CALML4: variants seen among roughly 807,000 people sequenced by gnomAD.
CALML4 encodes calmodulin-like protein 4.
Under a neutral mutation model 17.9 loss-of-function variants are expected in CALML4, and 16 were observed. That is an observed-to-expected ratio of 0.89 (90% CI 0.61 to 1.36). The LOEUF (loss-of-function observed/expected upper bound fraction) is 1.36. CALML4 is among the 40% of genes most tolerant of loss of function. The pLI is 0.00. For synonymous variants in CALML4, 86 were observed against 71.5 expected, an observed-to-expected ratio of 1.20 and a Z score of -1.02; for missense variants, 203 against 194.8, an observed-to-expected ratio of 1.04 and a Z score of -0.25.
chr15:68,197,702 G>A lies in CALML4; in HGVS notation c.176-74C>T, dbSNP rs2093150780. ...TAGGAAGCCAGCTGGCCTCCTGCTG[G>A]ACCTGCACAGCCGGTTCAAGGTCAA... On this transcript the variant is annotated intron_variant, in intron 3 of 4. Coordinates refer to ENST00000467889, the MANE Select transcript of CALML4 (RefSeq NM_033429.3). The surrounding 1 kb of genome is among the most constrained non-coding windows in gnomAD (Gnocchi z 4.1). The A allele has an allele frequency of 7.2e-7, 1 of 1,392,770 alleles. No homozygotes were observed. Among genetic ancestry groups the A allele is most frequent in the Non-Finnish European group, 1.0e-6 (1 of 1,004,654 alleles). The allele number at this position is 1,392,770 out of a possible 1,614,324, so 86.3% of individuals were successfully genotyped here. A position where few individuals can be genotyped will look rare whatever the true frequency, so the allele number is the denominator to read the frequency against.
intron 2 of CALML4, among the ~76,000 whole-genome samples, chr15:68,201,392 CA>C (rs2093165086): frequency 6.6e-6 from 1 of 152,246 alleles, no homozygotes; most frequent in African/African-American, 2.4e-5. Flanking sequence ...CACCTCACGT[CA>C]GGGGGACAGA....
intron 4 of CALML4, among the ~76,000 whole-genome samples, chr15:68,196,933 A>C (rs1201483002): frequency 6.6e-6 from 1 of 152,140 alleles, no homozygotes; most frequent in Non-Finnish European, 1.5e-5. Flanking sequence ...TTGGAAAGGG[A>C]GCAAAGCAGC....
In CALML4 at chr15:68,197,697, T is replaced by TA; in HGVS notation, c.176-70_176-69insT. ...ACTCCTAGGAAGCCAGCTGGCCTCC[T>TA]GCTGGACCTGCACAGCCGGTTCAAG... On this transcript the variant is annotated intron_variant, in intron 3 of 4. Transcript: ENST00000467889. The surrounding 1 kb of genome is among the most constrained non-coding windows in gnomAD (Gnocchi z 4.1). 2.1e-6 allele frequency: 3 copies of TA among 1,424,742 alleles called. No individual in the cohort carries two copies. The highest frequency in any genetic ancestry group is 1.3e-5 in the South Asian group (1 of 79,020). 88.3% of individuals were successfully genotyped at this position (1,424,742 alleles called of 1,614,324 possible).
At chr15:68,201,953 C>T (rs545358442) in intron 2 of CALML4, among the ~76,000 whole-genome samples, 1 of 152,320 alleles carries the variant, frequency 6.6e-6, no homozygotes, top group East Asian at 1.9e-4. Flanking sequence ...ACATATATTT[C>T]ACCACGTTCC....
Position 68,197,757 on chromosome 15 carries a change from G to A in CALML4, c.176-129C>T. 1 of 781,478 alleles carries A rather than the reference G, an allele frequency of 1.3e-6. No homozygotes were observed. Among genetic ancestry groups the A allele is most frequent in the African/African-American group, 1.7e-5 (1 of 57,302 alleles). 48.4% of individuals were successfully genotyped at this position (781,478 alleles called of 1,614,324 possible). On this transcript the variant is annotated intron_variant, in intron 3 of 4. Transcript: ENST00000467889. The surrounding 1 kb of genome is among the most constrained non-coding windows in gnomAD (Gnocchi z 4.1). The stretch of plus-strand genomic sequence containing the variant: ...CCAGGGAATGCCAGGATGTGGCAGT[G>A]GTCACAGTGAAGAGGATGCATCCCC...
rs560207394 is a variant in CALML4 at position 68,197,034 on chromosome 15, C to T, written c.364+406G>A. 3.3e-5 allele frequency among the ~76,000 whole-genome samples: 5 copies of T among 152,316 alleles called. No individual in the cohort carries two copies. Among genetic ancestry groups the T allele is most frequent in the African/African-American group, 9.6e-5 (4 of 41,584 alleles). On this transcript the variant is annotated intron_variant, in intron 4 of 4. Coordinates refer to ENST00000467889, the MANE Select transcript of CALML4 (RefSeq NM_033429.3). The surrounding 1 kb of genome is among the most constrained non-coding windows in gnomAD (Gnocchi z 4.1). The stretch of plus-strand genomic sequence containing the variant: ...ATGTCTAGACCTGCCTTCGCTCCTG[C>T]GCCGCTGCTTGGGAGCCGCTCACTC...
At chr15:68,203,121 T>G (rs1023174272) in intron 2 of CALML4, among the ~76,000 whole-genome samples, 2 of 152,082 alleles carry the variant, frequency 1.3e-5, no homozygotes, top group Non-Finnish European at 2.9e-5. Flanking sequence ...TGGCCAGTTT[T>G]GTATTTTTAG....
chr15:68,197,705 C>A lies in CALML4; in HGVS notation c.176-77G>T. On this transcript the variant is annotated intron_variant, in intron 3 of 4. Coordinates refer to ENST00000467889, the MANE Select transcript of CALML4 (RefSeq NM_033429.3). The surrounding 1 kb of genome is among the most constrained non-coding windows in gnomAD (Gnocchi z 4.1). Reference sequence around the variant, plus strand: ...GAAGCCAGCTGGCCTCCTGCTGGACCTGCACAGCCGGTTCAAGGTCAACTG... The same window carrying A: ...GAAGCCAGCTGGCCTCCTGCTGGACATGCACAGCCGGTTCAAGGTCAACTG... 1 of 1,368,928 alleles carries A rather than the reference C, an allele frequency of 7.3e-7. No homozygotes were observed. Among genetic ancestry groups the A allele is most frequent in the Non-Finnish European group, 1.0e-6 (1 of 985,332 alleles). 84.8% of individuals were successfully genotyped at this position (1,368,928 alleles called of 1,614,324 possible).
At position 68,197,693 on chromosome 15, in the gene CALML4, C is replaced by G; in HGVS notation, c.176-65G>C. 6.8e-7 allele frequency: 1 copy of G among 1,470,042 alleles called. No homozygotes were observed. The highest frequency in any genetic ancestry group is 9.4e-7 in the Non-Finnish European group (1 of 1,067,738). The allele number at this position is 1,470,042 out of a possible 1,614,324, so 91.1% of individuals were successfully genotyped here. A position where few individuals can be genotyped will look rare whatever the true frequency, so the allele number is the denominator to read the frequency against. ...AAAGACTCCTAGGAAGCCAGCTGGCCTCCTGCTGGACCTGCACAGCCGGTT... is the reference window on the plus strand; with the variant it reads ...AAAGACTCCTAGGAAGCCAGCTGGCGTCCTGCTGGACCTGCACAGCCGGTT... On this transcript the variant is annotated intron_variant, in intron 3 of 4. Transcript: ENST00000467889. This position sits in a 1 kb window ranked among gnomAD's most constrained non-coding sequence, Gnocchi z 4.1.
At chr15:68,194,536 A>C (rs1375835415) in intron 4 of CALML4, among the ~76,000 whole-genome samples, 3 of 151,990 alleles carry the variant, frequency 2.0e-5, no homozygotes, top group Non-Finnish European at 4.4e-5. Flanking sequence ...GGCAAGTACC[A>C]CCATGCCCGG....
upstream of CALML4, chr15:68,205,633 T>C: frequency 2.0e-6 from 1 of 503,154 alleles, no homozygotes; most frequent in Middle Eastern, 5.7e-4. The surrounding 1 kb of genome is among the most constrained non-coding windows in gnomAD (Gnocchi z 4.8). Context: ...CTACTAGAGT[T>C]GGACACTTTA....
Position 68,204,979 on chromosome 15 carries a change from C to G in CALML4, c.34+142G>C. On this transcript the variant is annotated intron_variant, in intron 2 of 4. Coordinates refer to ENST00000467889, the MANE Select transcript of CALML4 (RefSeq NM_033429.3). This position sits in a 1 kb window ranked among gnomAD's most constrained non-coding sequence, Gnocchi z 6.0. ...CCAACCCCCACCCCGCCAACAGCAGCCTCCCCGCAGCTCTTGGCCCTGGGT... is the reference window on the plus strand; with the variant it reads ...CCAACCCCCACCCCGCCAACAGCAGGCTCCCCGCAGCTCTTGGCCCTGGGT... The G allele has an allele frequency of 1.1e-6, 1 of 905,786 alleles. No homozygotes were observed. Among genetic ancestry groups the G allele is most frequent in the Admixed American group, 2.4e-5 (1 of 41,136 alleles). The allele number at this position is 905,786 out of a possible 1,614,324, so 56.1% of individuals were successfully genotyped here.
chr15:68,192,309 A>C lies in CALML4; in HGVS notation c.*1706T>G, dbSNP rs1595806289. 1.3e-5 allele frequency: 2 copies of C among 152,074 alleles called. No homozygotes were observed. The highest frequency in any genetic ancestry group is 2.1e-4 in the South Asian group (1 of 4,816). The allele number at this position is 152,074 out of a possible 1,614,324, so 9.4% of individuals were successfully genotyped here. On this transcript the variant is annotated 3_prime_UTR_variant, in exon 5 of 5. Coordinates refer to ENST00000467889, the MANE Select transcript of CALML4 (RefSeq NM_033429.3). Reference sequence around the variant, plus strand: ...TGGTGGATTTACCATGAAGGTAATGAAGTTTAAGCACCAGGACCCTTCACT... The same window carrying C: ...TGGTGGATTTACCATGAAGGTAATGCAGTTTAAGCACCAGGACCCTTCACT...
intron 2 of CALML4, among the ~76,000 whole-genome samples, chr15:68,201,191 C>T (rs951000880): frequency 1.3e-5 from 2 of 152,314 alleles, no homozygotes; most frequent in Admixed American, 6.5e-5. Context: ...GCCCCAGCCC[C>T]GCACAACTGC....
chr15:68,200,939 T>G lies in CALML4; in HGVS notation c.35-1258A>C, dbSNP rs1464347178. Among the ~76,000 whole-genome samples, 1 of 152,104 alleles carries G rather than the reference T, an allele frequency of 6.6e-6. No homozygotes were observed. Among genetic ancestry groups the G allele is most frequent in the African/African-American group, 2.4e-5 (1 of 41,428 alleles). On this transcript the variant is annotated intron_variant, in intron 2 of 4. Transcript: ENST00000467889. This position sits in a 1 kb window ranked among gnomAD's most constrained non-coding sequence, Gnocchi z 4.3. ...CTGAGAGCCTGGCTGTGGGCAGCTC[T>G]GCCCACCAGGCCACACTGCCTTCGG...
In CALML4 at chr15:68,194,078, G is replaced by A; in HGVS notation, c.399C>T (p.Pro133=). 6.2e-7 allele frequency: 1 copy of A among 1,614,006 alleles called. No individual in the cohort carries two copies. Among genetic ancestry groups the A allele is most frequent in the African/African-American group, 1.3e-5 (1 of 75,040 alleles). Residue 133 remains proline (P), a synonymous_variant, in exon 5 of 5, where the codon CCC becomes CCT. Transcript: ENST00000467889. The part of the protein sequence containing the change: ...DDLFREADIE[P]NGKVKYDEFI... ...ATTCATCATACTTCACTTTGCCATT[G>A]GGTTCGATATCTGCTTCCCTGAAGA...
intron 4 of CALML4, among the ~76,000 whole-genome samples, chr15:68,195,798 G>C (rs893623669): frequency 3.9e-5 from 6 of 152,190 alleles, no homozygotes; most frequent in Admixed American, 2.0e-4. Context: ...CAGTTTCTGT[G>C]AAACAGTCCT....
chr15:68,194,061 T>A lies in CALML4; in HGVS notation c.416A>T (p.Tyr139Phe). ...ADIEPNGKVK[Y>F]DEFIHKITLP... ...GGTGATCTTGTGGATAAATTCATCA[T>A]ACTTCACTTTGCCATTGGGTTCGAT... The change falls in exon 5 of 5, where the codon TAT becomes TTT. Residue 139 changes from tyrosine to phenylalanine, a missense_variant. By Grantham distance (22) the Tyr-to-Phe change is conservative. Coordinates refer to ENST00000467889, the MANE Select transcript of CALML4 (RefSeq NM_033429.3). 6.2e-7 allele frequency: 1 copy of A among 1,614,166 alleles called. No individual in the cohort carries two copies.
rs1417416957 is a variant in CALML4, at chr15:68,205,208, C to T, written c.3+37G>A. The T allele has an allele frequency of 1.2e-6, 2 of 1,614,054 alleles. No individual in the cohort carries two copies. The highest frequency in any genetic ancestry group is 1.7e-6 in the Non-Finnish European group (2 of 1,180,032). ...GGGCTCCACCTGAGGTTCACGCCCCCAGCCCTGGCCAGGCCGACACAGACC... is the reference window on the plus strand; with the variant it reads ...GGGCTCCACCTGAGGTTCACGCCCCTAGCCCTGGCCAGGCCGACACAGACC... On this transcript the variant is annotated intron_variant, in intron 1 of 4. Coordinates refer to ENST00000467889, the MANE Select transcript of CALML4 (RefSeq NM_033429.3). This position sits in a 1 kb window ranked among gnomAD's most constrained non-coding sequence, Gnocchi z 4.8.
Sources: gnomAD v4.1 joint callset for allele counts (sites outside exome capture counted in the v4.1 genomes callset) on GRCh38, gnomAD v4.1.1 for gene constraint, Gnocchi (gnomAD v3.1) non-coding constraint, MANE v1.5 for transcripts, NCBI Gene and HGNC (gene_info 2026-07-23, HGNC 2026-07-21) for gene names.